NEGR1: variants seen among roughly 807,000 people sequenced by gnomAD.
The protein encoded by NEGR1 is IgLON family member 4.
A neutral mutation model predicts 40.9 loss-of-function variants in NEGR1; 10 were observed. The observed-to-expected ratio is 0.24, with a 90% CI of 0.15 to 0.42. The LOEUF (loss-of-function observed/expected upper bound fraction) is 0.42. Ranked by LOEUF, NEGR1 falls within the 10% of genes least tolerant of loss-of-function variation. The pLI is 1.00. For synonymous variants in NEGR1, 185 were observed against 166.8 expected, an observed-to-expected ratio of 1.11 and a Z score of -0.84; for missense variants, 352 against 438.9, an observed-to-expected ratio of 0.80 and a Z score of 1.77.
intron 2 of NEGR1, among the ~76,000 whole-genome samples, chr1:71,881,142 G>T (rs571106016): frequency 1.3e-5 from 2 of 151,852 alleles, no homozygotes; most frequent in African/African-American, 4.8e-5. Flanking sequence ...AGTATGTTTC[G>T]AGCTTAAAGG....
intron 3 of NEGR1, among the ~76,000 whole-genome samples, chr1:71,751,164 A>T (rs1655559053): frequency 6.6e-6 from 1 of 151,878 alleles, no homozygotes; most frequent in Non-Finnish European, 1.5e-5. Flanking sequence ...ATGACTGAGT[A>T]ATTCAGTAGT....
chr1:72,030,240 G>C (rs781680445), intron 1 of NEGR1, among the ~76,000 whole-genome samples: 4 of 151,270 alleles, frequency 2.6e-5, no homozygotes, highest in Non-Finnish European at 4.4e-5. Flanking sequence ...TGTCACCCAA[G>C]CTGCAGTGCC....
At chr1:72,218,859 C>T (rs1570136542) in intron 1 of NEGR1, among the ~76,000 whole-genome samples, 1 of 151,966 alleles carries the variant, frequency 6.6e-6, no homozygotes, top group East Asian at 1.9e-4. Flanking sequence ...GTAAAGCCCC[C>T]AAAAACTTCC....
Position 71,766,184 on chromosome 1 carries a change from A to T in NEGR1, c.535+9988T>A, listed in dbSNP as rs1220215891. On this transcript the variant is annotated intron_variant, in intron 3 of 6. Transcript: ENST00000357731. Reference sequence around the variant, plus strand: ...CAAGACTCCGTCTCAAAAAAAAAAAAAAAAAAGAAGAGATCTGAGTCTTTC... The same window carrying T: ...CAAGACTCCGTCTCAAAAAAAAAAATAAAAAAGAAGAGATCTGAGTCTTTC... 5.7e-4 allele frequency among the ~76,000 whole-genome samples: 87 copies of T among 152,024 alleles called. 3 individuals carry two copies. The highest frequency in any genetic ancestry group is 5.6e-3 in the Admixed American group (85 of 15,268).
intron 6 of NEGR1, among the ~76,000 whole-genome samples, chr1:71,457,539 C>T (rs995793743): frequency 1.3e-5 from 2 of 152,152 alleles, no homozygotes; most frequent in Non-Finnish European, 2.9e-5. Flanking sequence ...GAGACAGCAT[C>T]TCTGTTCTTA....
chr1:71,920,197 T>C (rs1472489063), intron 2 of NEGR1, among the ~76,000 whole-genome samples: 1 of 152,218 alleles, frequency 6.6e-6, no homozygotes, highest in Non-Finnish European at 1.5e-5. Flanking sequence ...GGCCATCTTA[T>C]GGTAATGCTC....
chr1:72,008,129 G>A (rs976733903), intron 1 of NEGR1, among the ~76,000 whole-genome samples: 6 of 151,782 alleles, frequency 4.0e-5, no homozygotes, highest in African/African-American at 7.3e-5. Context: ...ATGATGATGC[G>A]GATATACGTG....
At chr1:71,594,618 A>G (rs955157416) in intron 5 of NEGR1, among the ~76,000 whole-genome samples, 35 of 152,236 alleles carry the variant, frequency 2.3e-4, no homozygotes, top group Admixed American at 2.2e-3. Flanking sequence ...CAACTCTGAC[A>G]TAAGATAATG....
At chr1:72,248,454 C>T (rs950074009) in intron 1 of NEGR1, among the ~76,000 whole-genome samples, 7 of 151,906 alleles carry the variant, frequency 4.6e-5, no homozygotes, top group South Asian at 2.1e-4. Flanking sequence ...GATGGGGTTT[C>T]GCCATGTTGG....
chr1:71,954,874 A>G (rs1646106379), intron 1 of NEGR1, among the ~76,000 whole-genome samples: 1 of 152,110 alleles, frequency 6.6e-6, no homozygotes, highest in Non-Finnish European at 1.5e-5. Context: ...TACCATCATC[A>G]TTGCCATCAT....
chr1:71,536,287 G>A lies in NEGR1; in HGVS notation c.940+56530C>T, dbSNP rs1327287725. On this transcript the variant is annotated intron_variant, in intron 6 of 6. Transcript: ENST00000357731. ...ACCAAGTTCCATGTTGAAATTTGAT[G>A]CCCATGGTGTTTGGGCTACGGAAGT... 2.0e-5 allele frequency among the ~76,000 whole-genome samples: 3 copies of A among 151,826 alleles called. No homozygotes were observed. The East Asian group carries it at 5.9e-4, about 30-fold the overall frequency.
intron 1 of NEGR1, 86 bp from the exon 2 acceptor site, chr1:71,935,397 C>A: frequency 1.1e-6 from 1 of 892,984 alleles, no homozygotes; most frequent in Non-Finnish European, 1.8e-6. Flanking sequence ...TTTTCTTTTG[C>A]TGAATAATAG....
At position 71,532,767 on chromosome 1, in the gene NEGR1, C is replaced by T. The variant is rs148289445; in HGVS notation, c.940+60050G>A. ...ACATTAGAGCAGTACCGCAAGCATG[C>T]GGCCCATAATCAACTTGGTTTATTT... On this transcript the variant is annotated intron_variant, in intron 6 of 6. Transcript: ENST00000357731. Among the ~76,000 whole-genome samples the T allele has an allele frequency of 2.0e-4, 31 of 151,608 alleles. No homozygotes were observed. In the East Asian group the frequency reaches 4.9e-3, roughly 24 times the overall value.
intron 4 of NEGR1, among the ~76,000 whole-genome samples, chr1:71,619,556 G>A (rs1017761340): frequency 6.6e-6 from 1 of 152,080 alleles, no homozygotes; most frequent in Non-Finnish European, 1.5e-5. Flanking sequence ...ATCCTTTGGA[G>A]TGGACTGTGA....
intron 1 of NEGR1, among the ~76,000 whole-genome samples, chr1:72,065,797 T>C (rs1337858362): frequency 6.6e-6 from 1 of 152,110 alleles, no homozygotes. Flanking sequence ...TTTACATTAC[T>C]GCATATAATG....
intron 1 of NEGR1, among the ~76,000 whole-genome samples, chr1:72,000,623 C>T (rs762582301): frequency 1.3e-5 from 2 of 152,068 alleles, no homozygotes; most frequent in East Asian, 1.9e-4. Context: ...ACTTTCATCA[C>T]GTCATGTTTG....
chr1:72,279,656 A>G (rs1350487640), intron 1 of NEGR1, among the ~76,000 whole-genome samples: 1 of 152,182 alleles, frequency 6.6e-6, no homozygotes, highest in Non-Finnish European at 1.5e-5. Context: ...TACAAAGAAA[A>G]AACAAAATAT....
chr1:71,644,247 G>T (rs988593096), intron 4 of NEGR1, among the ~76,000 whole-genome samples: 27 of 151,718 alleles, frequency 1.8e-4, no homozygotes, highest in African/African-American at 4.8e-4. Flanking sequence ...TTTTCCCCAG[G>T]GTTAGAATAC....
chr1:71,624,829 C>T (rs909711609), intron 4 of NEGR1, among the ~76,000 whole-genome samples: 13 of 151,880 alleles, frequency 8.6e-5, no homozygotes, highest in African/African-American at 3.1e-4. Flanking sequence ...CTTAACCATC[C>T]TTACTGTTCT....
Sources: allele counts gnomAD v4.1 joint callset (sites outside exome capture counted in the v4.1 genomes callset), GRCh38; gene constraint gnomAD v4.1.1; transcripts MANE v1.5; gene names NCBI Gene and HGNC (gene_info 2026-07-23, HGNC 2026-07-21).